The following USP13 variants were observed in gnomAD, a reference collection of about 807,000 sequenced individuals.
USP13 encodes ubiquitin specific peptidase 13.
Under a neutral mutation model 107.8 loss-of-function variants are expected in USP13, and 68 were observed. The ratio of observed to expected loss-of-function variants is 0.63; its 90% CI spans 0.52 to 0.77. The LOEUF is 0.77. Ranked by LOEUF, USP13 falls within the 30% of genes least tolerant of loss-of-function variation. The pLI is 0.00. For synonymous variants in USP13, 377 were observed against 389.5 expected (o/e 0.97, Z 0.38); for missense variants, 945 against 1,093.3 (o/e 0.86, Z 1.91).
At chr3:179,729,698 C>T (rs577776854) in intron 8 of USP13, among the ~76,000 whole-genome samples, 93 of 152,234 alleles carry the variant, frequency 6.1e-4, no homozygotes, top group Middle Eastern at 3.4e-3. Context: ...TCTTGAACTC[C>T]TGACCTCCGA....
At chr3:179,702,089 G>A (rs1260479146) in intron 4 of USP13, among the ~76,000 whole-genome samples, 1 of 151,752 alleles carries the variant, frequency 6.6e-6, no homozygotes, top group Non-Finnish European at 1.5e-5. Flanking sequence ...GCGCGATCTC[G>A]GCTCACTGCA....
At chr3:179,767,996 A>G (rs113522148) in intron 19 of USP13, among the ~76,000 whole-genome samples, 2 of 152,198 alleles carry the variant, frequency 1.3e-5, no homozygotes, top group East Asian at 3.8e-4. Flanking sequence ...CGTTCTCCCA[A>G]TTTCCATACT....
rs768535279 is a variant in USP13, at chr3:179,721,257, T to C, written c.901-145T>C. ...GTGCCACCATCACCGTCTCTCAGTCTTTTTTATTTGCATTGTTTATTTCTC... is the reference window on the plus strand; with the variant it reads ...GTGCCACCATCACCGTCTCTCAGTCCTTTTTATTTGCATTGTTTATTTCTC... On this transcript the variant is annotated intron_variant, in intron 7 of 20. Coordinates refer to ENST00000263966, the MANE Select transcript of USP13 (RefSeq NM_003940.3). The surrounding 1 kb of genome is among the most constrained non-coding windows in gnomAD (Gnocchi z 4.3). 1.6e-5 allele frequency: 13 copies of C among 831,916 alleles called. No individual in the cohort carries two copies. The highest frequency in any genetic ancestry group is 2.3e-5 in the Non-Finnish European group (13 of 553,734). The allele number at this position is 831,916 out of a possible 1,614,324, so 51.5% of individuals were successfully genotyped here.
chr3:179,675,375 T>C (rs979272963), intron 1 of USP13, among the ~76,000 whole-genome samples: 3 of 152,010 alleles, frequency 2.0e-5, no homozygotes, highest in Admixed American at 1.3e-4. Flanking sequence ...CTAGTAACTT[T>C]TATTGGTGAT....
intron 4 of USP13, among the ~76,000 whole-genome samples, chr3:179,705,645 A>G (rs11718853): frequency 0.37 from 55,918 of 152,174 alleles, 12,486 homozygotes; most frequent in Non-Finnish European, 0.48. Context: ...CATTGTATGT[A>G]CATACAACAT....
In USP13 at chr3:179,754,827, C is replaced by G. The variant is rs764830720; in HGVS notation, c.1894C>G (p.Pro632Ala). 1.5e-5 allele frequency: 24 copies of G among 1,612,336 alleles called. No homozygotes were observed. In the Admixed American group the frequency reaches 1.8e-4, roughly 12 times the overall value. The change falls in exon 15 of 21, where the codon CCC becomes GCC. Residue 632 changes from proline (P) to alanine (A), a missense_variant. Transcript: ENST00000263966. ...GEEELPDISP[P>A]IVIPDDSKDR... ...GGAAGAACTTCCAGACATCAGCCCC[C>G]CCATAGTCATTCCTGATGACTCAAA...
At chr3:179,682,581 G>A (rs1711705580) in intron 2 of USP13, among the ~76,000 whole-genome samples, 1 of 152,098 alleles carries the variant, frequency 6.6e-6, no homozygotes, top group East Asian at 1.9e-4. Flanking sequence ...TCTGTGAAGA[G>A]TTTTTCCCCT....
intron 3 of USP13, among the ~76,000 whole-genome samples, chr3:179,700,596 G>A (rs1712482311): frequency 6.6e-6 from 1 of 151,830 alleles, no homozygotes; most frequent in Non-Finnish European, 1.5e-5. Flanking sequence ...AAAACCCCAA[G>A]AAACCAAACA....
At chr3:179,699,747 T>TTTA (rs375589534) in intron 3 of USP13, among the ~76,000 whole-genome samples, 7,242 of 137,956 alleles carry the variant, frequency 0.052, 234 homozygotes, top group South Asian at 0.071. Context: ...ATCTTATTTA[T>TTTA]TTTATTTATT....
chr3:179,694,662 A>G (rs1003150875), intron 3 of USP13, among the ~76,000 whole-genome samples: 1 of 152,126 alleles, frequency 6.6e-6, no homozygotes, highest in Non-Finnish European at 1.5e-5. Flanking sequence ...TTAGCTGGGC[A>G]TGGTGGCACA....
intron 19 of USP13, 95 bp from the exon 20 acceptor site, chr3:179,781,644 G>T (rs1352734996): frequency 9.7e-7 from 1 of 1,026,242 alleles, no homozygotes; most frequent in Non-Finnish European, 1.5e-6. Flanking sequence ...CTAAACAGTT[G>T]CTGGATTATA....
intron 2 of USP13, among the ~76,000 whole-genome samples, chr3:179,687,128 A>G (rs1312729661): frequency 6.6e-6 from 1 of 152,062 alleles, no homozygotes; most frequent in East Asian, 1.9e-4. Context: ...TCTGATCTGG[A>G]TTTTTCTACT....
chr3:179,735,027 C>A (rs948063033), intron 10 of USP13, among the ~76,000 whole-genome samples: 1 of 152,132 alleles, frequency 6.6e-6, no homozygotes, highest in African/African-American at 2.4e-5. Flanking sequence ...TGAAGGCCTC[C>A]CTCTAATTTT....
chr3:179,677,699 T>G (rs1711519524), intron 1 of USP13, among the ~76,000 whole-genome samples: 1 of 152,206 alleles, frequency 6.6e-6, no homozygotes, highest in African/African-American at 2.4e-5. Context: ...CTCTTGGATA[T>G]AGAGTATTTC....
intron 1 of USP13, among the ~76,000 whole-genome samples, chr3:179,654,364 T>C (rs1377921374): frequency 1.3e-5 from 2 of 152,098 alleles, no homozygotes; most frequent in African/African-American, 2.4e-5. Context: ...TGCGCAAGTA[T>C]AAATTATTAA....
At chr3:179,769,164 A>AATTAACATGTG (rs1047336325) in intron 19 of USP13, among the ~76,000 whole-genome samples, 2 of 152,290 alleles carry the variant, frequency 1.3e-5, no homozygotes, top group East Asian at 1.9e-4. Flanking sequence ...CCTTTAATGT[A>AATTAACATGTG]ATTAACATGT....
chr3:179,758,014 AC>A (rs1419411032), intron 16 of USP13, among the ~76,000 whole-genome samples: 1 of 152,168 alleles, frequency 6.6e-6, no homozygotes, highest in African/African-American at 2.4e-5. Context: ...AATTCTTTCA[AC>A]GGTCTACAAC....
chr3:179,703,463 G>A (rs1209733948), intron 4 of USP13, among the ~76,000 whole-genome samples: 4 of 152,184 alleles, frequency 2.6e-5, no homozygotes, highest in African/African-American at 9.6e-5. Flanking sequence ...ACCTCTGGGT[G>A]ATGCTGGGTT....
rs1168076347 is a variant in USP13, at chr3:179,787,217, C to T, written c.*3076C>T. ...CAGCGGGGATAGCTCGAGCCTCTTG[C>T]TCCCTGAGTCATTTATTCCCTTTAC... On this transcript the variant is annotated 3_prime_UTR_variant, in exon 21 of 21. Coordinates refer to ENST00000263966, the MANE Select transcript of USP13 (RefSeq NM_003940.3). 1 of 152,230 alleles carries T rather than the reference C, an allele frequency of 6.6e-6. No individual in the cohort carries two copies. The highest frequency in any genetic ancestry group is 1.5e-5 in the Non-Finnish European group (1 of 68,056). The allele number at this position is 152,230 out of a possible 1,614,324, so 9.4% of individuals were successfully genotyped here. A position where few individuals can be genotyped will look rare whatever the true frequency, so the allele number is the denominator to read the frequency against.
Sources: gnomAD v4.1 joint callset for allele counts (sites outside exome capture counted in the v4.1 genomes callset) on GRCh38, gnomAD v4.1.1 for gene constraint, Gnocchi (gnomAD v3.1) non-coding constraint, MANE v1.5 for transcripts, NCBI Gene and HGNC (gene_info 2026-07-23, HGNC 2026-07-21) for gene names.